Variants in GNPNAT1 observed in about 807,000 individuals in gnomAD.
The protein encoded by GNPNAT1 is glucosamine 6-phosphate N-acetyltransferase.
Under a neutral mutation model 19.8 loss-of-function variants are expected in GNPNAT1, and 11 were observed. The observed-to-expected ratio is 0.56, with a 90% confidence interval of 0.35 to 0.92. The LOEUF is 0.92. GNPNAT1 is among the 40% of genes least tolerant of loss of function. GNPNAT1 has a pLI of 0.01. For missense variants in GNPNAT1, 157 were observed against 211.0 expected (o/e 0.74, Z 1.59); for synonymous variants, 71 against 72.3 (o/e 0.98, Z 0.09).
At chr14:52,779,731 A>AG (rs1882839550) in intron 5 of GNPNAT1, among the ~76,000 whole-genome samples, 1 of 149,362 alleles carries the variant, frequency 6.7e-6, no homozygotes, top group Non-Finnish European at 1.5e-5. Context: ...TCTTAAAAAA[A>AG]AAAAAAAAAA....
At position 52,775,370 on chromosome 14, in the gene GNPNAT1, A is replaced by G. The variant is rs1882679345; in HGVS notation, c.*2941T>C. ...CTTCCCCCATTAGGCCTACCTGCATACTGTGCTTCATCAAATCTAAGATCA... is the reference window on the plus strand; with the variant it reads ...CTTCCCCCATTAGGCCTACCTGCATGCTGTGCTTCATCAAATCTAAGATCA... On this transcript the variant is annotated 3_prime_UTR_variant, in exon 6 of 6. Transcript: ENST00000216410. 6.6e-6 allele frequency: 1 copy of G among 152,194 alleles called. No individual in the cohort carries two copies. The highest frequency in any genetic ancestry group is 2.1e-4 in the South Asian group (1 of 4,832). The allele number at this position is 152,194 out of a possible 1,614,324, so 9.4% of individuals were successfully genotyped here. A position where few individuals can be genotyped will look rare whatever the true frequency, so the allele number is the denominator to read the frequency against.
chr14:52,786,899 G>T (rs985531103), intron 1 of GNPNAT1, among the ~76,000 whole-genome samples: 3 of 129,924 alleles, frequency 2.3e-5, no homozygotes, highest in African/African-American at 8.8e-5. Flanking sequence ...TCAGATTTGG[G>T]GATATTTGCA....
At position 52,784,568 on chromosome 14, in the gene GNPNAT1, G is replaced by A; in HGVS notation, c.83C>T (p.Pro28Leu). 1 of 1,609,798 alleles carries A rather than the reference G, an allele frequency of 6.2e-7. No individual in the cohort carries two copies. The highest frequency in any genetic ancestry group is 8.5e-7 in the Non-Finnish European group (1 of 1,177,908). Residue 28 changes from proline to leucine, a missense_variant, in exon 2 of 6, where the codon CCA becomes CTA. Transcript: ENST00000216410. ...DWSQNTATFS[P>L]AISPTHPGEG... is the part of the protein sequence containing the mutation. Reference sequence around the variant, plus strand: ...TCCAGGATGTGTTGGGGAAATGGCTGGAGAAAATGTAGCTGTATTCTGACT... The same window carrying A: ...TCCAGGATGTGTTGGGGAAATGGCTAGAGAAAATGTAGCTGTATTCTGACT...
intron 1 of GNPNAT1, among the ~76,000 whole-genome samples, chr14:52,786,601 CATG>C (rs1322455403): frequency 1.3e-5 from 2 of 152,110 alleles, no homozygotes; most frequent in Non-Finnish European, 2.9e-5. Flanking sequence ...GAAAAGTGAT[CATG>C]ATATTTCCCC....
intron 5 of GNPNAT1, among the ~76,000 whole-genome samples, chr14:52,780,228 A>G (rs1882859808): frequency 1.3e-5 from 2 of 152,228 alleles, no homozygotes; most frequent in African/African-American, 4.8e-5. Context: ...AATGGCAATA[A>G]ATCAATACCA....
chr14:52,775,436 A>C lies in GNPNAT1; in HGVS notation c.*2875T>G, dbSNP rs1257972868. On this transcript the variant is annotated 3_prime_UTR_variant, in exon 6 of 6. Coordinates refer to ENST00000216410, the MANE Select transcript of GNPNAT1 (RefSeq NM_198066.4). Reference sequence around the variant, plus strand: ...ATTATTTTAGGCACCACTAAAAGACAGTGTATTGCTAACAAAACTATGATA... The same window carrying C: ...ATTATTTTAGGCACCACTAAAAGACCGTGTATTGCTAACAAAACTATGATA... 1 of 152,238 alleles carries C rather than the reference A, an allele frequency of 6.6e-6. No individual in the cohort carries two copies. The highest frequency in any genetic ancestry group is 1.5e-5 in the Non-Finnish European group (1 of 68,038). 9.4% of individuals were successfully genotyped at this position (152,238 alleles called of 1,614,324 possible). A position where few individuals can be genotyped will look rare whatever the true frequency, so the allele number is the denominator to read the frequency against.
chr14:52,779,043 A>G (rs1056611378), intron 5 of GNPNAT1, among the ~76,000 whole-genome samples: 1 of 152,084 alleles, frequency 6.6e-6, no homozygotes, highest in Non-Finnish European at 1.5e-5. Flanking sequence ...TTTAAGATGC[A>G]TGTTAACACT....
chr14:52,785,843 G>A (rs1222923296), intron 1 of GNPNAT1, among the ~76,000 whole-genome samples: 1 of 149,534 alleles, frequency 6.7e-6, no homozygotes, highest in Admixed American at 6.6e-5. Flanking sequence ...CGCCTCCCAG[G>A]TTTAAGCAAT....
chr14:52,790,061 T>C (rs2139977198), intron 1 of GNPNAT1, among the ~76,000 whole-genome samples: 1 of 151,982 alleles, frequency 6.6e-6, no homozygotes, highest in South Asian at 2.1e-4. Flanking sequence ...TCATTTTTAC[T>C]AGTCATCACA....
intron 3 of GNPNAT1, 68 bp downstream of exon 3, chr14:52,783,355 G>A: frequency 9.7e-7 from 1 of 1,025,836 alleles, no homozygotes; most frequent in Non-Finnish European, 1.5e-6. Flanking sequence ...AGTGGGCACT[G>A]AACAGCTCTA....
intron 1 of GNPNAT1, among the ~76,000 whole-genome samples, chr14:52,789,674 A>C (rs1883108582): frequency 6.6e-6 from 1 of 152,208 alleles, no homozygotes. Context: ...ATAATTAAAT[A>C]AGTAATTTTA....
At position 52,777,330 on chromosome 14, in the gene GNPNAT1, A is replaced by G. The variant is rs1882758951; in HGVS notation, c.*981T>C. ...AACCATTAAAATATTTAATTCTTCA[A>G]CTTTAAAAAATTAAATAAAATCAAA... On this transcript the variant is annotated 3_prime_UTR_variant, in exon 6 of 6. Coordinates refer to ENST00000216410, the MANE Select transcript of GNPNAT1 (RefSeq NM_198066.4). 6.6e-6 allele frequency: 1 copy of G among 152,640 alleles called. No homozygotes were observed. The highest frequency in any genetic ancestry group is 1.5e-5 in the Non-Finnish European group (1 of 68,040). The allele number at this position is 152,640 out of a possible 1,614,324, so 9.5% of individuals were successfully genotyped here.
rs920477502 is a variant in GNPNAT1 at position 52,791,561 on chromosome 14, G to A, written c.-148C>T. On this transcript the variant is annotated 5_prime_UTR_variant, in exon 1 of 6. Coordinates refer to ENST00000216410, the MANE Select transcript of GNPNAT1 (RefSeq NM_198066.4). The surrounding 1 kb of genome is among the most constrained non-coding windows in gnomAD (Gnocchi z 4.1). ...CCTCCACCGCCCGCGCCACAGTTGG[G>A]AACCGCGGCCCAGACGTGGCAGCGC... 42 of 152,748 alleles carry A rather than the reference G, an allele frequency of 2.7e-4. No individual in the cohort carries two copies. The highest frequency in any genetic ancestry group is 5.5e-4 in the Non-Finnish European group (38 of 68,530). The allele number at this position is 152,748 out of a possible 1,614,324, so 9.5% of individuals were successfully genotyped here.
In GNPNAT1 at chr14:52,783,403, A is replaced by G; in HGVS notation, c.217+20T>C. The G allele has an allele frequency of 1.3e-6, 2 of 1,527,008 alleles. No homozygotes were observed. Among genetic ancestry groups the G allele is most frequent in the African/African-American group, 1.4e-5 (1 of 72,894 alleles). The allele number at this position is 1,527,008 out of a possible 1,614,324, so 94.6% of individuals were successfully genotyped here. Reference sequence around the variant, plus strand: ...ATCATGTTTCCCTTTATTTCAGGAAAAAGAGGTTATAGTACTTACTCATAA... The same window carrying G: ...ATCATGTTTCCCTTTATTTCAGGAAGAAGAGGTTATAGTACTTACTCATAA... On this transcript the variant is annotated intron_variant, in intron 3 of 5. Coordinates refer to ENST00000216410, the MANE Select transcript of GNPNAT1 (RefSeq NM_198066.4).
At chr14:52,780,614 T>TA in intron 5 of GNPNAT1, 65 bp downstream of exon 5, 1 of 948,762 alleles carries the variant, frequency 1.1e-6, no homozygotes, top group African/African-American at 1.6e-5. Flanking sequence ...TTCAAACAAG[T>TA]ATCTTGTTAA....
intron 1 of GNPNAT1, among the ~76,000 whole-genome samples, chr14:52,789,084 A>T (rs571927895): frequency 6.6e-6 from 1 of 152,348 alleles, no homozygotes; most frequent in East Asian, 1.9e-4. Flanking sequence ...TCAAGGTTAG[A>T]GTGCCAATAA....
intron 1 of GNPNAT1, among the ~76,000 whole-genome samples, chr14:52,784,926 C>CTTTTT (rs571852245): frequency 8.4e-6 from 1 of 119,736 alleles, no homozygotes; most frequent in African/African-American, 3.0e-5. Context: ...ATTATCAAGT[C>CTTTTT]TTTTTTTTTT....
At chr14:52,784,462 C>T in intron 2 of GNPNAT1, 35 bp downstream of exon 2, 2 of 1,471,460 alleles carry the variant, frequency 1.4e-6, no homozygotes, top group Non-Finnish European at 1.8e-6. Flanking sequence ...AAATGGAAGG[C>T]TAACTCTAAT....
Position 52,777,976 on chromosome 14 carries a change from T to G in GNPNAT1, c.*335A>C, listed in dbSNP as rs921720752. 1 of 163,434 alleles carries G rather than the reference T, an allele frequency of 6.1e-6. No individual in the cohort carries two copies. The highest frequency in any genetic ancestry group is 2.4e-5 in the African/African-American group (1 of 41,980). The allele number at this position is 163,434 out of a possible 1,614,324, so 10.1% of individuals were successfully genotyped here. On this transcript the variant is annotated 3_prime_UTR_variant, in exon 6 of 6. Transcript: ENST00000216410. ...ACTTTTTTTAAATGAGCAACACAGA[T>G]AGCAGACATATAACTCCTTATTACC...
Sources: allele counts gnomAD v4.1 joint callset (sites outside exome capture counted in the v4.1 genomes callset), GRCh38; gene constraint gnomAD v4.1.1; non-coding constraint Gnocchi (gnomAD v3.1); transcripts MANE v1.5; gene names NCBI Gene and HGNC (gene_info 2026-07-23, HGNC 2026-07-21).